The following INSC variants were observed in gnomAD, a reference collection of about 807,000 sequenced individuals.
INSC encodes the protein protein inscuteable homolog.
In INSC, 67 loss-of-function variants were observed where a neutral mutation model predicts 58.6. The ratio of observed to expected loss-of-function variants is 1.14; its 90% CI spans 0.94 to 1.40. INSC has a LOEUF of 1.40. INSC is among the 40% of genes most tolerant of loss of function. The pLI, the probability that INSC is intolerant of heterozygous loss-of-function variation, is 0.00. For missense variants in INSC, 714 were observed against 692.0 expected (o/e 1.03, Z -0.36); for synonymous variants, 262 against 276.1 (o/e 0.95, Z 0.51).
intron 4 of INSC, among the ~76,000 whole-genome samples, chr11:15,177,933 C>A (rs1298286572): frequency 6.6e-6 from 1 of 152,232 alleles, no homozygotes; most frequent in Non-Finnish European, 1.5e-5. Flanking sequence ...TCCACCTTTT[C>A]AGAGCTCACT....
Position 15,190,726 on chromosome 11 carries a change from C to T in INSC, c.605C>T (p.Ser202Leu), listed in dbSNP as rs1301747490. 6.2e-7 allele frequency: 1 copy of T among 1,613,848 alleles called. No homozygotes were observed. The part of the protein sequence containing the change: ...VQALVRKIDA[S>L]DNIYTTESTT... Reference sequence around the variant, plus strand: ...GCACTGGTGAGAAAAATTGATGCCTCAGACAATATCTACACCACAGAGTCC... The same window carrying T: ...GCACTGGTGAGAAAAATTGATGCCTTAGACAATATCTACACCACAGAGTCC... Residue 202 changes from serine to leucine, a missense_variant, in exon 6 of 13, where the codon TCA (serine) becomes TTA (leucine). Transcript: ENST00000379556.
At chr11:15,218,726 G>A (rs924025530) in intron 7 of INSC, among the ~76,000 whole-genome samples, 8 of 152,170 alleles carry the variant, frequency 5.3e-5, no homozygotes, top group Admixed American at 5.2e-4. Context: ...CCAAAGGACA[G>A]TGAAGAAATT....
intron 8 of INSC, among the ~76,000 whole-genome samples, chr11:15,223,745 G>T (rs770716317): frequency 1.3e-5 from 2 of 152,228 alleles, no homozygotes; most frequent in African/African-American, 4.8e-5. Context: ...GGGGACTCCA[G>T]TGATTTTCCC....
chr11:15,134,955 A>T (rs573293208), intron 1 of INSC, among the ~76,000 whole-genome samples: 1 of 152,160 alleles, frequency 6.6e-6, no homozygotes, highest in Non-Finnish European at 1.5e-5. Context: ...ACCTTCTATT[A>T]TAATATAATT....
intron 5 of INSC, among the ~76,000 whole-genome samples, chr11:15,189,642 T>G (rs1679944312): frequency 6.6e-6 from 1 of 152,244 alleles, no homozygotes; most frequent in African/African-American, 2.4e-5. Context: ...TAATTAAAAC[T>G]AAATTTCACT....
chr11:15,113,142 T>TC (rs757262172), upstream of INSC, among the ~76,000 whole-genome samples: 233 of 138,108 alleles, frequency 1.7e-3, no homozygotes, highest in African/African-American at 5.6e-3. Context: ...TCTTTCTTTC[T>TC]TTCTGTCTCT....
chr11:15,178,431 T>C lies in INSC; in HGVS notation c.563T>C (p.Leu188Pro). The C allele has an allele frequency of 6.2e-7, 1 of 1,611,400 alleles. No individual in the cohort carries two copies. Among genetic ancestry groups the C allele is most frequent in the Non-Finnish European group, 8.5e-7 (1 of 1,179,970 alleles). The change falls in exon 5 of 13, where the codon CTG (leucine) becomes CCG (proline). Residue 188 changes from leucine (L) to proline (P), a missense_variant. Physicochemically the swap from Leu to Pro is moderately conservative, Grantham distance 98 (BLOSUM62 -3). Coordinates refer to ENST00000379556, the MANE Select transcript of INSC (RefSeq NM_001042536.3). ...QHFGQLLELA[L>P]TREVQALVRK... The stretch of plus-strand genomic sequence containing the variant: ...TTTGGTCAGCTGCTGGAGCTGGCCC[T>C]GACACGGGAGGTTCAGGTCAGTGCA...
intron 5 of INSC, among the ~76,000 whole-genome samples, chr11:15,186,279 C>A (rs559904684): frequency 6.6e-6 from 1 of 152,036 alleles, no homozygotes; most frequent in African/African-American, 2.4e-5. Context: ...AACTCTGCCC[C>A]CAATGTTCTC....
At chr11:15,208,392 G>C (rs142734853) in intron 7 of INSC, among the ~76,000 whole-genome samples, 227 of 152,322 alleles carry the variant, frequency 1.5e-3, no homozygotes, top group African/African-American at 5.1e-3. Context: ...ACTGAGGCTG[G>C]CACTGTCATT....
chr11:15,223,203 A>G (rs1851510641), intron 8 of INSC, among the ~76,000 whole-genome samples: 1 of 152,270 alleles, frequency 6.6e-6, no homozygotes, highest in African/African-American at 2.4e-5. Flanking sequence ...TAAACTTCAT[A>G]GAAAATTTCT....
intron 1 of INSC, among the ~76,000 whole-genome samples, chr11:15,146,537 A>C (rs959062153): frequency 6.6e-6 from 1 of 152,166 alleles, no homozygotes; most frequent in Non-Finnish European, 1.5e-5. Context: ...AACTGCTGGG[A>C]AGCTATGGGT....
At chr11:15,232,027 C>T (rs1714340) in intron 9 of INSC, among the ~76,000 whole-genome samples, 112,078 of 152,222 alleles carry the variant, frequency 0.74, 42,165 homozygotes, top group East Asian at 0.97. Context: ...CATTTCTTCT[C>T]GAACCAGTGA....
chr11:15,130,916 A>AT (rs1296693463), intron 1 of INSC, among the ~76,000 whole-genome samples: 1 of 151,424 alleles, frequency 6.6e-6, no homozygotes, highest in East Asian at 1.9e-4. Flanking sequence ...CTTTTTTCTG[A>AT]TTTTTTCCAG....
chr11:15,256,084 GA>G, the INSC span, among the ~76,000 whole-genome samples: 1 of 152,158 alleles, frequency 6.6e-6, no homozygotes, highest in Non-Finnish European at 1.5e-5. Flanking sequence ...ATGACAGCTG[GA>G]GCATGGGAGT....
the INSC span, among the ~76,000 whole-genome samples, chr11:15,261,970 G>T: frequency 1.3e-5 from 2 of 152,092 alleles, no homozygotes. Flanking sequence ...TGGGAACAGT[G>T]GAACTGGACC....
chr11:15,209,357 T>A lies in INSC; in HGVS notation c.819+8408T>A, dbSNP rs185814794. Among the ~76,000 whole-genome samples the A allele has an allele frequency of 9.6e-4, 147 of 152,336 alleles. 3 individuals carry two copies. The highest frequency in any genetic ancestry group is 3.4e-3 in the African/African-American group (143 of 41,584). The stretch of plus-strand genomic sequence containing the variant: ...AAGTCAATGCTCCATAGATGTGAGT[T>A]ATTTTCCCCTTCCCACCAAATTTCT... On this transcript the variant is annotated intron_variant, in intron 7 of 12. Coordinates refer to ENST00000379556, the MANE Select transcript of INSC (RefSeq NM_001042536.3).
chr11:15,227,892 A>G (rs1851703646), intron 9 of INSC, among the ~76,000 whole-genome samples: 1 of 152,300 alleles, frequency 6.6e-6, no homozygotes, highest in Non-Finnish European at 1.5e-5. Context: ...CATTTCCTAC[A>G]AGATCCAGTA....
chr11:15,221,008 C>CATTG (rs1851415596), intron 7 of INSC, among the ~76,000 whole-genome samples: 1 of 152,216 alleles, frequency 6.6e-6, no homozygotes, highest in Admixed American at 6.5e-5. Flanking sequence ...CTAGATCAGG[C>CATTG]ATTGCCTGCT....
Position 15,149,241 on chromosome 11 carries a change from C to T in INSC, c.56+11C>T. 1 of 1,579,820 alleles carries T rather than the reference C, an allele frequency of 6.3e-7. No individual in the cohort carries two copies. The highest frequency in any genetic ancestry group is 8.6e-7 in the Non-Finnish European group (1 of 1,162,894). ...CCTGCCGGGTCAGCGGTAAGTCCTA[C>T]AGCTGTCACTCCAGGCCAGGCCTGC... On this transcript the variant is annotated intron_variant, in intron 2 of 12. Coordinates refer to ENST00000379556, the MANE Select transcript of INSC (RefSeq NM_001042536.3).
Sources: allele counts gnomAD v4.1 joint callset (sites outside exome capture counted in the v4.1 genomes callset), GRCh38; gene constraint gnomAD v4.1.1; transcripts MANE v1.5; gene names NCBI Gene and HGNC (gene_info 2026-07-23, HGNC 2026-07-21).